The following PHF14 variants were observed in gnomAD, a reference collection of about 807,000 sequenced individuals.
The protein encoded by PHF14 is PHD finger protein 14.
In PHF14, 55 loss-of-function variants were observed where a neutral mutation model predicts 117.9. The ratio of observed to expected loss-of-function variants is 0.47; its 90% CI spans 0.38 to 0.58. PHF14 has a LOEUF of 0.58. PHF14 is among the 20% of genes least tolerant of loss of function. The probability of loss-of-function intolerance (pLI) is 0.00; values close to 1 mark genes in which losing one functional copy is unlikely to be tolerated. For missense variants in PHF14, 978 were observed against 1,122.2 expected, an observed-to-expected ratio of 0.87 and a Z score of 1.84; for synonymous variants, 409 against 368.6, an observed-to-expected ratio of 1.11 and a Z score of -1.26.
rs1781778417 is a variant in PHF14 at position 10,974,132 on chromosome 7, G to T, written c.-192G>T. 4 of 596,870 alleles carry T rather than the reference G, an allele frequency of 6.7e-6. No individual in the cohort carries two copies. The highest frequency in any genetic ancestry group is 5.4e-5 in the Admixed American group (2 of 37,124). The allele number at this position is 596,870 out of a possible 1,614,324, so 37.0% of individuals were successfully genotyped here. A position where few individuals can be genotyped will look rare whatever the true frequency, so the allele number is the denominator to read the frequency against. On this transcript the variant is annotated 5_prime_UTR_variant, in exon 1 of 18. In the 5' UTR this introduces an upstream ATG that the reference lacks. Coordinates refer to ENST00000634607, the MANE Select transcript of PHF14 (RefSeq NM_001007157.2). ...GGCTCGAGCGGCCAGGGCCAGGCGA[G>T]GCCGGGGGGGCGGGGGGTTAGGGGA...
Position 10,982,695 on chromosome 7 carries a change from G to T in PHF14, c.436G>T (p.Ala146Ser). Residue 146 changes from alanine to serine, a missense_variant, in exon 3 of 18, where the codon GCT becomes TCT. This residue lies in a region of PHF14 where 414 missense variants were observed against 376.4 expected (regional missense o/e 1.10). Transcript: ENST00000634607. ...AGCAACAGTATCTGAGAATGTGGCT[G>T]CTTCTGCTGCTGCCACCACACCAGC... Reference protein sequence around the residue: ...EKATVSENVAASAAATTPATS... With the variant: ...EKATVSENVASSAAATTPATS... The T allele has an allele frequency of 1.2e-6, 2 of 1,606,900 alleles. No homozygotes were observed. Among genetic ancestry groups the T allele is most frequent in the Non-Finnish European group, 1.7e-6 (2 of 1,176,422 alleles).
intron 7 of PHF14, 47 bp downstream of exon 7, chr7:11,028,865 C>G: frequency 6.6e-7 from 1 of 1,509,484 alleles, no homozygotes; most frequent in Non-Finnish European, 9.2e-7. Context: ...CACAAGATAT[C>G]TTTTGACTCT....
At chr7:11,122,398 C>CACA (rs1554275333) in intron 17 of PHF14, among the ~76,000 whole-genome samples, 17 of 123,522 alleles carry the variant, frequency 1.4e-4, no homozygotes, top group African/African-American at 5.4e-4. Flanking sequence ...CATACACACA[C>CACA]ATATATATAT....
intron 13 of PHF14, among the ~76,000 whole-genome samples, chr7:11,046,486 A>G (rs1410859612): frequency 1.3e-5 from 2 of 152,148 alleles, no homozygotes; most frequent in South Asian, 2.1e-4. Flanking sequence ...TTCTAGGAAT[A>G]GTTTACAGAG....
At chr7:11,121,028 A>T (rs1787737001) in intron 17 of PHF14, among the ~76,000 whole-genome samples, 1 of 152,230 alleles carries the variant, frequency 6.6e-6, no homozygotes, top group Non-Finnish European at 1.5e-5. Context: ...TAAATCCAGT[A>T]AAATGTAAAC....
chr7:11,049,952 C>T (rs755524529), intron 13 of PHF14, among the ~76,000 whole-genome samples: 3 of 152,136 alleles, frequency 2.0e-5, no homozygotes, highest in Non-Finnish European at 4.4e-5. Flanking sequence ...TGATTATGTA[C>T]ATTTTTGTTT....
At chr7:11,166,127 G>A (rs1314550859) in intron 17 of PHF14, among the ~76,000 whole-genome samples, 1 of 152,090 alleles carries the variant, frequency 6.6e-6, no homozygotes, top group Non-Finnish European at 1.5e-5. Flanking sequence ...TTTTTTTAGA[G>A]TATGAATTAA....
chr7:11,158,893 A>G (rs1045159916), intron 17 of PHF14, among the ~76,000 whole-genome samples: 2 of 152,128 alleles, frequency 1.3e-5, no homozygotes, highest in South Asian at 2.1e-4. Flanking sequence ...AAGACATATT[A>G]AACAGTTTCT....
chr7:10,994,815 G>C (rs1191800065), intron 4 of PHF14, among the ~76,000 whole-genome samples: 4 of 152,160 alleles, frequency 2.6e-5, no homozygotes, highest in African/African-American at 7.2e-5. Context: ...GAGTGTTACA[G>C]CTCATAAAGG....
rs1449063043 is a variant in PHF14, at chr7:11,108,367, T to C, written c.2655-2983T>C. 2.6e-5 allele frequency: 4 copies of C among 151,768 alleles called. No individual in the cohort carries two copies. The Admixed American group carries it at 2.6e-4, about 10-fold the overall frequency. 9.4% of individuals were successfully genotyped at this position (151,768 alleles called of 1,614,324 possible). A position where few individuals can be genotyped will look rare whatever the true frequency, so the allele number is the denominator to read the frequency against. On this transcript the variant is annotated intron_variant, in intron 16 of 17. Transcript: ENST00000634607. ...TTTTCTTTTTTTCCCCTTCTGTTTTTTGGATTTTGGCAGTTCCTAAGGGTA... is the reference window on the plus strand; with the variant it reads ...TTTTCTTTTTTTCCCCTTCTGTTTTCTGGATTTTGGCAGTTCCTAAGGGTA...
chr7:11,122,759 C>T (rs961803396), intron 17 of PHF14, among the ~76,000 whole-genome samples: 7 of 152,074 alleles, frequency 4.6e-5, no homozygotes, highest in Non-Finnish European at 1.0e-4. Flanking sequence ...TCCACATTGT[C>T]CTTCCACTGC....
chr7:11,037,508 T>A (rs1784352587), intron 10 of PHF14, among the ~76,000 whole-genome samples: 1 of 152,206 alleles, frequency 6.6e-6, no homozygotes, highest in Non-Finnish European at 1.5e-5. Flanking sequence ...TAAACATTGC[T>A]ATAGAGCTTC....
At chr7:11,043,521 A>G (rs575295185) in intron 13 of PHF14, among the ~76,000 whole-genome samples, 30 of 152,204 alleles carry the variant, frequency 2.0e-4, no homozygotes, top group Non-Finnish European at 3.7e-4. Context: ...GTGAACCCCA[A>G]ATTTTTAAAT....
At chr7:11,087,467 G>C (rs1348327550) in intron 16 of PHF14, among the ~76,000 whole-genome samples, 6 of 152,150 alleles carry the variant, frequency 3.9e-5, no homozygotes, top group Non-Finnish European at 8.8e-5. Flanking sequence ...TGGGGTTACA[G>C]GCATGAGCCA....
chr7:11,084,349 A>G (rs905641223), intron 16 of PHF14, among the ~76,000 whole-genome samples: 1 of 152,148 alleles, frequency 6.6e-6, no homozygotes, highest in Non-Finnish European at 1.5e-5. Context: ...TTCTTCTTAC[A>G]TCCTCTAAAC....
intron 3 of PHF14, among the ~76,000 whole-genome samples, chr7:10,988,895 G>A (rs1222543433): frequency 6.6e-6 from 1 of 152,134 alleles, no homozygotes; most frequent in African/African-American, 2.4e-5. Context: ...GGGAATAAGC[G>A]AGAGGTGAGA....
At chr7:10,974,970 C>G (rs769427762) in intron 2 of PHF14, 25 bp downstream of exon 2, 4 of 1,129,212 alleles carry the variant, frequency 3.5e-6, no homozygotes, top group Admixed American at 2.1e-5. Context: ...CTCTCTTCCC[C>G]TTTCCCAGCT....
chr7:11,041,140 A>G (rs1005257928), intron 12 of PHF14, among the ~76,000 whole-genome samples: 1 of 152,082 alleles, frequency 6.6e-6, no homozygotes, highest in Non-Finnish European at 1.5e-5. Flanking sequence ...GGTATCATAT[A>G]TGTATATATA....
intron 7 of PHF14, among the ~76,000 whole-genome samples, chr7:11,030,019 A>G (rs906256796): frequency 2.6e-5 from 4 of 151,878 alleles, no homozygotes; most frequent in South Asian, 2.1e-4. Flanking sequence ...TAGGAATTGT[A>G]TTTTTGATAC....
Sources: allele counts gnomAD v4.1 joint callset (sites outside exome capture counted in the v4.1 genomes callset), GRCh38; gene constraint gnomAD v4.1.1; regional missense constraint gnomAD v4.1.1; transcripts MANE v1.5; gene names NCBI Gene and HGNC (gene_info 2026-07-23, HGNC 2026-07-21).